The following SIRPA variants were observed in gnomAD, a reference collection of about 807,000 sequenced individuals.
SIRPA encodes the protein signal regulatory protein alpha, also known as tyrosine-protein phosphatase non-receptor type substrate 1.
SIRPA carries 9 observed loss-of-function variants against 50.3 expected under a neutral mutation model. The ratio of observed to expected loss-of-function variants is 0.18; its 90% confidence interval spans 0.11 to 0.31. The LOEUF is 0.31. SIRPA is among the 10% of genes least tolerant of loss of function. SIRPA has a pLI of 1.00. For missense variants in SIRPA, 474 were observed against 661.6 expected (o/e 0.72, Z 3.11); for synonymous variants, 265 against 284.1 (o/e 0.93, Z 0.68).
At chr20:1,913,967 T>G in intron 1 of SIRPA, among the ~76,000 whole-genome samples, 1 of 152,112 alleles carries the variant, frequency 6.6e-6, no homozygotes. Context: ...AGCCAACCTC[T>G]ACAATTCCTT....
At position 1,895,505 on chromosome 20, in the gene SIRPA, G is replaced by T; in HGVS notation, c.58G>T (p.Ala20Ser). ...CGGGCCGCTGCTCTGCCTGCTGCTC[G>T]CCGCGTCCTGCGCCTGGTCAGGTAA... ...RLGPLLCLLL[A>S]ASCAWSGVAG... The change falls in exon 1 of 8, where the codon GCC (alanine) becomes TCC (serine). Residue 20 changes from alanine (A) to serine (S), a missense_variant. Ala to Ser is a moderately conservative substitution (Grantham distance 99). Around this residue, in one of 4 missense-constraint regions of SIRPA, gnomAD observed 72 missense variants for 76.2 expected, o/e 0.94. Coordinates refer to ENST00000358771, the MANE Select transcript of SIRPA (RefSeq NM_001040023.2). The T allele has an allele frequency of 6.9e-7, 1 of 1,459,204 alleles. No homozygotes were observed. The highest frequency in any genetic ancestry group is 2.6e-5 in the Admixed American group (1 of 37,952). 90.4% of individuals were successfully genotyped at this position (1,459,204 alleles called of 1,614,324 possible). A position where few individuals can be genotyped will look rare whatever the true frequency, so the allele number is the denominator to read the frequency against.
chr20:1,911,469 T>G (rs896973090), intron 1 of SIRPA, among the ~76,000 whole-genome samples: 1 of 152,166 alleles, frequency 6.6e-6, no homozygotes, highest in Non-Finnish European at 1.5e-5. Flanking sequence ...CCATGAAAAT[T>G]TCTATATGAC....
intron 1 of SIRPA, among the ~76,000 whole-genome samples, chr20:1,901,819 A>G (rs894064017): frequency 6.6e-6 from 1 of 152,146 alleles, no homozygotes; most frequent in Non-Finnish European, 1.5e-5. Context: ...CAAGAGCCCA[A>G]GGAGATCAGG....
intron 1 of SIRPA, among the ~76,000 whole-genome samples, chr20:1,909,937 G>A (rs1413191244): frequency 6.6e-6 from 1 of 152,028 alleles, no homozygotes; most frequent in Non-Finnish European, 1.5e-5. Context: ...CCATCTTATT[G>A]CATCTCTCAG....
intron 1 of SIRPA, among the ~76,000 whole-genome samples, chr20:1,908,335 T>A (rs1984670175): frequency 6.6e-6 from 1 of 151,896 alleles, no homozygotes; most frequent in Non-Finnish European, 1.5e-5. Context: ...CAGCACTCTG[T>A]CACACACGTG....
chr20:1,896,193 G>T (rs962737484), intron 1 of SIRPA, among the ~76,000 whole-genome samples: 1 of 152,196 alleles, frequency 6.6e-6, no homozygotes, highest in Non-Finnish European at 1.5e-5. Context: ...CTTGCTCCTT[G>T]AGGCGCTCCC....
chr20:1,927,743 T>G lies in SIRPA; in HGVS notation c.1202-132T>G. 1.2e-6 allele frequency: 1 copy of G among 813,058 alleles called. No homozygotes were observed. The highest frequency in any genetic ancestry group is 2.2e-6 in the Non-Finnish European group (1 of 462,470). 50.4% of individuals were successfully genotyped at this position (813,058 alleles called of 1,614,324 possible). A position where few individuals can be genotyped will look rare whatever the true frequency, so the allele number is the denominator to read the frequency against. ...CCACTGGGTGGGCATGGGGGTCTCC[T>G]GTGGTTCCAAGGATGTGATTACAGC... is the stretch of plus-strand genomic sequence containing the variant. On this transcript the variant is annotated intron_variant, in intron 5 of 7. Transcript: ENST00000358771. The surrounding 1 kb of genome is among the most constrained non-coding windows in gnomAD (Gnocchi z 6.5).
intron 1 of SIRPA, 74 bp downstream of exon 1, chr20:1,895,600 C>T (rs1003000885): frequency 2.1e-5 from 24 of 1,169,530 alleles, no homozygotes; most frequent in Non-Finnish European, 2.5e-5. Flanking sequence ...GGCACTGGGA[C>T]CCCTTCGGCT....
rs576113548 is a variant in SIRPA, at chr20:1,910,663, T to C, written c.80-4436T>C. 3.3e-3 allele frequency among the ~76,000 whole-genome samples: 503 copies of C among 152,278 alleles called. 4 individuals are homozygous for C. Among genetic ancestry groups the C allele is most frequent in the Non-Finnish European group, 4.4e-3 (302 of 68,004 alleles). On this transcript the variant is annotated intron_variant, in intron 1 of 7. Coordinates refer to ENST00000358771, the MANE Select transcript of SIRPA (RefSeq NM_001040023.2). ...TTTAAACAGTACACATACGGTAACATACATCATTACATGTACAGGTTTTTT... is the reference window on the plus strand; with the variant it reads ...TTTAAACAGTACACATACGGTAACACACATCATTACATGTACAGGTTTTTT...
chr20:1,923,697 A>G (rs1030450183), intron 4 of SIRPA, among the ~76,000 whole-genome samples: 20 of 148,776 alleles, frequency 1.3e-4, no homozygotes, highest in African/African-American at 4.6e-4. Context: ...CCAGGTTTTC[A>G]TGGGATGTGT....
chr20:1,907,254 C>A (rs185271682), intron 1 of SIRPA, among the ~76,000 whole-genome samples: 2 of 152,304 alleles, frequency 1.3e-5, no homozygotes, highest in African/African-American at 4.8e-5. Flanking sequence ...CACGCATCCC[C>A]ATTTTTGGTG....
At position 1,937,559 on chromosome 20, in the gene SIRPA, G is replaced by A. The variant is rs750974605; in HGVS notation, c.1506G>A (p.Pro502=). 125 of 1,613,900 alleles carry A rather than the reference G, an allele frequency of 7.7e-5. No individual in the cohort carries two copies. The highest frequency in any genetic ancestry group is 3.3e-4 in the Middle Eastern group (2 of 6,084). ...CAGAGTACGCCAGCGTCCAGGTCCC[G>A]AGGAAGTGAATGGGACCGTGGTTTG... is the stretch of plus-strand genomic sequence containing the variant. The part of the protein sequence containing the change: ...SFSEYASVQV[P]RK The change falls in exon 8 of 8, where the codon CCG becomes CCA. Residue 502 remains proline, a synonymous_variant. Transcript: ENST00000358771. This position sits in a 1 kb window ranked among gnomAD's most constrained non-coding sequence, Gnocchi z 8.3.
At chr20:1,921,167 C>A (rs1254729453) in intron 2 of SIRPA, among the ~76,000 whole-genome samples, 1 of 152,210 alleles carries the variant, frequency 6.6e-6, no homozygotes, top group African/African-American at 2.4e-5. Context: ...CCTGGACTTC[C>A]CTCTGGGCCC....
At chr20:1,919,023 A>G (rs1004053549) in intron 2 of SIRPA, among the ~76,000 whole-genome samples, 2 of 152,238 alleles carry the variant, frequency 1.3e-5, no homozygotes, top group African/African-American at 4.8e-5. Context: ...CGAATGAGTT[A>G]AATCCTGTAG....
chr20:1,939,932 C>T lies in SIRPA; in HGVS notation c.*2364C>T, dbSNP rs6045559. 0.45 allele frequency: 68,848 copies of T among 152,468 alleles called. 17,377 individuals carry two copies. Among genetic ancestry groups the T allele is most frequent in the East Asian group, 0.75 (3,880 of 5,180 alleles). 9.4% of individuals were successfully genotyped at this position (152,468 alleles called of 1,614,324 possible). ...TTCAGTATTCTTGTCTTTGTGAGTGCGTCCCGGGGCCGCCTCGGGGCCTGC... is the reference window on the plus strand; with the variant it reads ...TTCAGTATTCTTGTCTTTGTGAGTGTGTCCCGGGGCCGCCTCGGGGCCTGC... On this transcript the variant is annotated 3_prime_UTR_variant, in exon 8 of 8. Coordinates refer to ENST00000358771, the MANE Select transcript of SIRPA (RefSeq NM_001040023.2). The surrounding 1 kb of genome is among the most constrained non-coding windows in gnomAD (Gnocchi z 4.7).
chr20:1,907,852 G>A (rs1197596904), intron 1 of SIRPA, among the ~76,000 whole-genome samples: 1 of 152,182 alleles, frequency 6.6e-6, no homozygotes, highest in East Asian at 1.9e-4. Context: ...GGCTGTTGGA[G>A]CCCCAAGCTC....
chr20:1,920,757 T>G (rs148365906), intron 2 of SIRPA, among the ~76,000 whole-genome samples: 80 of 152,346 alleles, frequency 5.3e-4, no homozygotes, highest in African/African-American at 1.8e-3. Context: ...GCTTTGGATA[T>G]GAATAAAGTC....
Position 1,937,418 on chromosome 20 carries a change from C to T in SIRPA, c.1365C>T (p.Ser455=), listed in dbSNP as rs754624419. Residue 455 remains serine, a synonymous_variant, in exon 8 of 8, where the codon AGC becomes AGT. Transcript: ENST00000358771. This position sits in a 1 kb window ranked among gnomAD's most constrained non-coding sequence, Gnocchi z 8.3. ...CCAACAACCACACGGAGTATGCCAGCATTCAGACCAGCCCGCAGCCCGCGT... is the reference window on the plus strand; with the variant it reads ...CCAACAACCACACGGAGTATGCCAGTATTCAGACCAGCCCGCAGCCCGCGT... ...AEPNNHTEYA[S]IQTSPQPASE... The T allele has an allele frequency of 6.2e-7, 1 of 1,614,152 alleles. No individual in the cohort carries two copies. The highest frequency in any genetic ancestry group is 1.7e-5 in the Admixed American group (1 of 60,032).
chr20:1,909,963 GT>G (rs375842270), intron 1 of SIRPA, among the ~76,000 whole-genome samples: 129 of 152,256 alleles, frequency 8.5e-4, no homozygotes, highest in African/African-American at 2.9e-3. Flanking sequence ...TTCAATGCAG[GT>G]GGTCACACCC....
Sources: allele counts gnomAD v4.1 joint callset (sites outside exome capture counted in the v4.1 genomes callset), GRCh38; gene constraint gnomAD v4.1.1; regional missense constraint gnomAD v4.1.1; non-coding constraint Gnocchi (gnomAD v3.1); transcripts MANE v1.5; gene names NCBI Gene and HGNC (gene_info 2026-07-23, HGNC 2026-07-21).